PLEKHG7: variants seen among roughly 807,000 people sequenced by gnomAD.
PLEKHG7 encodes the protein pleckstrin homology domain-containing family G member 7.
Under a neutral mutation model 85.2 loss-of-function variants are expected in PLEKHG7, and 77 were observed. The ratio of observed to expected loss-of-function variants is 0.90; its 90% confidence interval spans 0.75 to 1.09. PLEKHG7 has a LOEUF of 1.09. Among genes scored for constraint, PLEKHG7 ranks in the 50% least tolerant of loss-of-function variants. The pLI, the probability that PLEKHG7 is intolerant of heterozygous loss-of-function variation, is 0.00. For synonymous variants in PLEKHG7, 301 were observed against 302.4 expected (o/e 1.00, Z 0.05); for missense variants, 777 against 804.3 (o/e 0.97, Z 0.41).
rs186942161 is a variant in PLEKHG7, at chr12:92,766,824, T to A, written c.1871-2159T>A. Among the ~76,000 whole-genome samples the A allele has an allele frequency of 7.2e-5, 11 of 152,346 alleles. No individual in the cohort carries two copies. The East Asian group carries it at 2.1e-3, about 29-fold the overall frequency. On this transcript the variant is annotated intron_variant, in intron 15 of 16. Transcript: ENST00000344636. ...CAGCCTGGGTGATGGAGTGAGACTC[T>A]GTCTCAAAAAGCAAAAACAAAACAA...
chr12:92,768,942 G>A, intron 15 of PLEKHG7, 41 bp from the exon 16 acceptor site: 1 of 1,359,040 alleles, frequency 7.4e-7, no homozygotes, highest in Non-Finnish European at 1.0e-6. Flanking sequence ...GATTTCATAT[G>A]AAATGATTTG....
Position 92,728,874 on chromosome 12 carries a change from G to A in PLEKHG7, c.531-119G>A, listed in dbSNP as rs537910674. ...TCACATTCCCACCAATGGACTATAAGCATCCCTTTCTCCACAACCACGCCA... is the reference window on the plus strand; with the variant it reads ...TCACATTCCCACCAATGGACTATAAACATCCCTTTCTCCACAACCACGCCA... On this transcript the variant is annotated intron_variant, in intron 3 of 16. Coordinates refer to ENST00000344636, the MANE Select transcript of PLEKHG7 (RefSeq NM_001377329.1). 4 of 720,324 alleles carry A rather than the reference G, an allele frequency of 5.6e-6. No homozygotes were observed. In the East Asian group the frequency reaches 1.0e-4, roughly 18 times the overall value. 44.6% of individuals were successfully genotyped at this position (720,324 alleles called of 1,614,324 possible).
intron 7 of PLEKHG7, among the ~76,000 whole-genome samples, 186 bp downstream of exon 7, chr12:92,737,707 G>C (rs2136600818): frequency 8.2e-6 from 1 of 121,976 alleles, no homozygotes; most frequent in Non-Finnish European, 1.8e-5. Flanking sequence ...GAGAGAAAGA[G>C]AAGAAGAGGG....
Position 92,729,007 on chromosome 12 carries a change from G to A in PLEKHG7, c.545G>A (p.Arg182Lys), listed in dbSNP as rs1871904658. Residue 182 changes from arginine to lysine, a missense_variant, in exon 4 of 17, where the codon AGG becomes AAG. Arg to Lys is a conservative substitution (Grantham distance 26, BLOSUM62 2). Around this residue, in one of 3 missense-constraint regions of PLEKHG7, gnomAD observed 252 missense variants for 241.9 expected, o/e 1.04. Transcript: ENST00000344636. ...ELHPSRFYEH[R>K]RSSVVLNLPG... ...CTTGAGCACAGGTTCTACGAGCACAGGCGGAGTTCTGTGGTGCTGAACTTA... is the reference window on the plus strand; with the variant it reads ...CTTGAGCACAGGTTCTACGAGCACAAGCGGAGTTCTGTGGTGCTGAACTTA... The A allele has an allele frequency of 8.1e-7, 1 of 1,231,808 alleles. No homozygotes were observed. 76.3% of individuals were successfully genotyped at this position (1,231,808 alleles called of 1,614,324 possible). A position where few individuals can be genotyped will look rare whatever the true frequency, so the allele number is the denominator to read the frequency against.
intron 3 of PLEKHG7, among the ~76,000 whole-genome samples, chr12:92,721,918 T>A (rs1197016525): frequency 6.6e-6 from 1 of 151,982 alleles, no homozygotes; most frequent in Non-Finnish European, 1.5e-5. Flanking sequence ...TTCTTCCCTG[T>A]CCTCTTCACA....
At chr12:92,749,073 A>C (rs901439917) in intron 10 of PLEKHG7, among the ~76,000 whole-genome samples, 7 of 152,132 alleles carry the variant, frequency 4.6e-5, no homozygotes, top group African/African-American at 1.7e-4. Flanking sequence ...CCCAATGTTG[A>C]ATCTCCTACA....
chr12:92,729,803 A>G (rs1871931554), intron 4 of PLEKHG7, among the ~76,000 whole-genome samples: 1 of 152,188 alleles, frequency 6.6e-6, no homozygotes, highest in Non-Finnish European at 1.5e-5. Context: ...TTGGAAATCC[A>G]ATGTATAAAA....
intron 11 of PLEKHG7, among the ~76,000 whole-genome samples, 195 bp downstream of exon 11, chr12:92,754,459 C>G (rs1872773579): frequency 6.6e-6 from 1 of 152,150 alleles, no homozygotes; most frequent in Non-Finnish European, 1.5e-5. Context: ...CTGGCGAACC[C>G]TATGAGAACT....
chr12:92,737,463 G>A lies in PLEKHG7; in HGVS notation c.881G>A (p.Trp294Ter). The change falls in exon 7 of 17, where the codon TGG becomes TAG. Residue 294 changes from tryptophan (W) to a stop codon, truncating the protein, a stop_gained. Coordinates refer to ENST00000344636, the MANE Select transcript of PLEKHG7 (RefSeq NM_001377329.1). LOFTEE classifies it high-confidence loss of function. ...LDLKKQQEAV[W>*]ELFTSECTYF... is the part of the protein sequence containing the mutation. ...CTGAAAAAGCAGCAAGAGGCCGTGTGGGAACTTTTCACAAGTGAATGCACC... is the reference window on the plus strand; with the variant it reads ...CTGAAAAAGCAGCAAGAGGCCGTGTAGGAACTTTTCACAAGTGAATGCACC... 1.3e-6 allele frequency: 2 copies of A among 1,594,244 alleles called. No individual in the cohort carries two copies. Among genetic ancestry groups the A allele is most frequent in the East Asian group, 2.3e-5 (1 of 44,418 alleles).
At chr12:92,759,666 A>C (rs1000958144) in intron 13 of PLEKHG7, among the ~76,000 whole-genome samples, 4 of 152,246 alleles carry the variant, frequency 2.6e-5, no homozygotes, top group Non-Finnish European at 5.9e-5. Context: ...GAACACATGC[A>C]GAAACCCAAA....
At chr12:92,719,293 C>A (rs1048138734) in intron 3 of PLEKHG7, among the ~76,000 whole-genome samples, 2 of 152,108 alleles carry the variant, frequency 1.3e-5, no homozygotes, top group African/African-American at 4.8e-5. Context: ...TTAATTTGTT[C>A]TTCCTGTGTA....
chr12:92,719,066 C>T (rs1871565153), intron 3 of PLEKHG7, among the ~76,000 whole-genome samples: 2 of 152,122 alleles, frequency 1.3e-5, no homozygotes, highest in Admixed American at 6.6e-5. Context: ...TTCTCATTTG[C>T]GTTTCCAACA....
intron 2 of PLEKHG7, 39 bp downstream of exon 2, chr12:92,707,177 A>C: frequency 6.3e-7 from 1 of 1,575,108 alleles, no homozygotes; most frequent in Non-Finnish European, 8.6e-7. Flanking sequence ...CAGTTGCTGA[A>C]CCACAAAGCA....
intron 13 of PLEKHG7, among the ~76,000 whole-genome samples, chr12:92,757,635 T>C (rs1872871434): frequency 6.6e-6 from 1 of 152,218 alleles, no homozygotes; most frequent in Non-Finnish European, 1.5e-5. Context: ...GAAGTTGCTT[T>C]TAATCCCTTG....
chr12:92,737,820 C>G (rs1425664145), intron 7 of PLEKHG7, among the ~76,000 whole-genome samples: 1 of 138,378 alleles, frequency 7.2e-6, no homozygotes, highest in Non-Finnish European at 1.6e-5. Context: ...CTCCCTCTTT[C>G]AGGGGATCGT....
intron 15 of PLEKHG7, 37 bp from the exon 16 acceptor site, chr12:92,768,946 T>C (rs1352757310): frequency 5.1e-6 from 7 of 1,379,730 alleles, no homozygotes; most frequent in Non-Finnish European, 7.0e-6. Context: ...TCATATGAAA[T>C]GATTTGGCTT....
At chr12:92,768,577 AT>A (rs1439737131) in intron 15 of PLEKHG7, among the ~76,000 whole-genome samples, 3 of 152,168 alleles carry the variant, frequency 2.0e-5, no homozygotes, top group Admixed American at 6.5e-5. Context: ...CAAAAATAAA[AT>A]TTTTTAAAGG....
chr12:92,739,559 C>T (rs1156622841), intron 7 of PLEKHG7, among the ~76,000 whole-genome samples: 1 of 152,188 alleles, frequency 6.6e-6, no homozygotes, highest in Non-Finnish European at 1.5e-5. Context: ...CTGACATTTC[C>T]TGTTTAAGAA....
intron 9 of PLEKHG7, among the ~76,000 whole-genome samples, chr12:92,744,345 T>A (rs1283571568): frequency 6.6e-6 from 1 of 152,200 alleles, no homozygotes; most frequent in African/African-American, 2.4e-5. Context: ...TGCCTTCCAG[T>A]AACGAGCCAG....
Sources: gnomAD v4.1 joint callset for allele counts (sites outside exome capture counted in the v4.1 genomes callset) on GRCh38, gnomAD v4.1.1 for gene constraint, gnomAD v4.1.1 regional missense constraint, MANE v1.5 for transcripts, NCBI Gene and HGNC (gene_info 2026-07-23, HGNC 2026-07-21) for gene names.